TRPC5: variants seen among roughly 807,000 people sequenced by gnomAD.
TRPC5 encodes short transient receptor potential channel 5.
A neutral mutation model predicts 56.5 loss-of-function variants in TRPC5; 9 were observed. The ratio of observed to expected loss-of-function variants is 0.16; its 90% CI spans 0.10 to 0.28. The LOEUF is 0.28. TRPC5 is among the 10% of genes least tolerant of loss of function. The probability of loss-of-function intolerance (pLI) is 1.00; values close to 1 mark genes in which losing one functional copy is unlikely to be tolerated. For synonymous variants in TRPC5, 282 were observed against 278.5 expected (o/e 1.01, Z -0.13); for missense variants, 469 against 748.9 (o/e 0.63, Z 4.36).
chrX:111,939,305 AT>A (rs1004524285), intron 2 of TRPC5, among the ~76,000 whole-genome samples: 8 of 111,205 alleles, frequency 7.2e-5, no homozygotes, highest in African/African-American at 2.0e-4. Context: ...GTTTGCTAGT[AT>A]TTTGTTGAGG....
intron 1 of TRPC5, among the ~76,000 whole-genome samples, chrX:111,980,911 G>GTATATATATA (rs764889761): frequency 4.5e-4 from 42 of 93,877 alleles, no homozygotes; most frequent in African/African-American, 1.7e-3. Context: ...TTATATATAT[G>GTATATATATA]TATATATATA....
At chrX:111,798,116 C>G (rs1921168370) in intron 7 of TRPC5, among the ~76,000 whole-genome samples, 1 of 111,391 alleles carries the variant, frequency 9.0e-6, no homozygotes, top group Non-Finnish European at 1.9e-5. Context: ...TATTTACTAC[C>G]ATAAACTATA....
chrX:111,843,464 G>A (rs1306163376), intron 6 of TRPC5, among the ~76,000 whole-genome samples: 2 of 112,075 alleles, frequency 1.8e-5, no homozygotes, highest in African/African-American at 6.5e-5. Flanking sequence ...TTGGAAAGAT[G>A]GGTATGAGTT....
At chrX:111,968,972 T>TAATAAAATAAAATAAAATAA (rs574801408) in intron 1 of TRPC5, among the ~76,000 whole-genome samples, 4 of 93,496 alleles carry the variant, frequency 4.3e-5, no homozygotes, top group Non-Finnish European at 8.5e-5. Flanking sequence ...ACTTAAAGTA[T>TAATAAAATAAAATAAAATAA]AATAAAATAA....
chrX:111,860,497 C>T (rs1923376535), intron 3 of TRPC5, among the ~76,000 whole-genome samples: 1 of 111,614 alleles, frequency 9.0e-6, no homozygotes, highest in East Asian at 2.8e-4. Context: ...TTATGAGTAA[C>T]CTACATTTGA....
chrX:111,948,902 A>G, intron 2 of TRPC5, among the ~76,000 whole-genome samples: 1 of 111,375 alleles, frequency 9.0e-6, no homozygotes, highest in Middle Eastern at 4.6e-3. Flanking sequence ...TTTCCAAAAG[A>G]AATGCAATTG....
intron 3 of TRPC5, among the ~76,000 whole-genome samples, chrX:111,910,509 A>G (rs758075762): frequency 2.9e-4 from 33 of 112,001 alleles, no homozygotes; most frequent in Non-Finnish European, 4.1e-4. Context: ...GTGTAAAAAT[A>G]AAAATGAATA....
intron 1 of TRPC5, among the ~76,000 whole-genome samples, chrX:111,975,640 T>C (rs924703763): frequency 2.7e-5 from 3 of 111,399 alleles, no homozygotes; most frequent in African/African-American, 9.8e-5. Context: ...CTCACGCCTG[T>C]AATCCCAGCA....
At position 111,772,480 on chromosome X, in the gene TRPC5, C is replaced by T. The variant is rs1464599815; in HGVS notation, c.*3833G>A. On this transcript the variant is annotated 3_prime_UTR_variant, in exon 11 of 11. Transcript: ENST00000262839. The stretch of plus-strand genomic sequence containing the variant: ...AGACAGTCTCGCTCTGCCGCCCAGG[C>T]TTGAGTGCAGTGGTGTGATCTCAGT... Among the ~76,000 whole-genome samples, 1 of 111,760 alleles carries T rather than the reference C, an allele frequency of 8.9e-6. No homozygotes were observed. The highest frequency in any genetic ancestry group is 1.9e-5 in the Non-Finnish European group (1 of 53,200).
chrX:111,992,718 T>C (rs1928393145), intron 1 of TRPC5, among the ~76,000 whole-genome samples: 1 of 109,087 alleles, frequency 9.2e-6, no homozygotes, highest in African/African-American at 3.3e-5. Flanking sequence ...TTCTCCTGCC[T>C]CAGCCTCGTG....
intron 2 of TRPC5, among the ~76,000 whole-genome samples, chrX:111,919,143 G>A (rs1926056616): frequency 9.0e-6 from 1 of 111,313 alleles, no homozygotes; most frequent in African/African-American, 3.3e-5. Flanking sequence ...GGGTCTAGTG[G>A]GGACTTGGAG....
chrX:111,990,235 A>G (rs751304931), intron 1 of TRPC5, among the ~76,000 whole-genome samples: 46 of 110,675 alleles, frequency 4.2e-4, no homozygotes, highest in African/African-American at 1.5e-3. Context: ...CTGACCAACA[A>G]GGTGAAACAC....
chrX:112,074,168 G>T (rs965026124), intron 1 of TRPC5, among the ~76,000 whole-genome samples: 1 of 110,436 alleles, frequency 9.1e-6, no homozygotes, highest in African/African-American at 3.3e-5. Flanking sequence ...AGACGAATTT[G>T]GACCTAGATT....
chrX:111,865,120 A>G (rs1018155668), intron 3 of TRPC5, among the ~76,000 whole-genome samples: 1 of 110,133 alleles, frequency 9.1e-6, no homozygotes, highest in African/African-American at 3.3e-5. Flanking sequence ...GGCTCAAGCA[A>G]TTCTCATGCC....
chrX:112,017,577 G>T (rs1018322824), intron 1 of TRPC5, among the ~76,000 whole-genome samples: 2 of 110,388 alleles, frequency 1.8e-5, no homozygotes, highest in Non-Finnish European at 3.8e-5. Context: ...ACTTATGAGG[G>T]ACCTAATGTA....
At position 112,064,785 on chromosome X, in the gene TRPC5, A is replaced by G. The variant is rs190433692; in HGVS notation, c.-22+17094T>C. On this transcript the variant is annotated intron_variant, in intron 1 of 10. Transcript: ENST00000262839. The stretch of plus-strand genomic sequence containing the variant: ...TCATGATCTGTGTGAGTTTAAAAGA[A>G]AAGATTAGGCCGGGTGCAGTGGCTC... Among the ~76,000 whole-genome samples the G allele has an allele frequency of 2.7e-5, 3 of 112,589 alleles. No individual in the cohort carries two copies. In the East Asian group the frequency reaches 8.4e-4, roughly 32 times the overall value.
chrX:112,080,071 A>C (rs1376278273), intron 1 of TRPC5, among the ~76,000 whole-genome samples: 2 of 112,062 alleles, frequency 1.8e-5, no homozygotes, highest in East Asian at 5.6e-4. Flanking sequence ...GAAAATACTT[A>C]CTATGGTTGC....
chrX:111,806,890 C>A (rs1474419560), intron 7 of TRPC5, among the ~76,000 whole-genome samples: 1 of 110,996 alleles, frequency 9.0e-6, no homozygotes, highest in Non-Finnish European at 1.9e-5. Context: ...ATAATTCATG[C>A]TACTCTCTCC....
At chrX:112,011,509 A>C (rs1242830074) in intron 1 of TRPC5, among the ~76,000 whole-genome samples, 1 of 111,793 alleles carries the variant, frequency 8.9e-6, no homozygotes, top group East Asian at 2.8e-4. Flanking sequence ...CTCAAGGAGT[A>C]AATCCAGTTA....
Sources: allele counts gnomAD v4.1 joint callset (sites outside exome capture counted in the v4.1 genomes callset), GRCh38; gene constraint gnomAD v4.1.1; transcripts MANE v1.5; gene names NCBI Gene and HGNC (gene_info 2026-07-23, HGNC 2026-07-21).